The following OR51E1 variants were observed in gnomAD, a reference collection of about 807,000 sequenced individuals.
The protein encoded by OR51E1 is olfactory receptor 51E1.
Under a neutral mutation model 11.5 loss-of-function variants are expected in OR51E1, and 9 were observed. The ratio of observed to expected loss-of-function variants is 0.78; its 90% CI spans 0.47 to 1.37. The LOEUF (loss-of-function observed/expected upper bound fraction) is 1.37. OR51E1 is among the 40% of genes most tolerant of loss of function. The pLI, the probability that OR51E1 is intolerant of heterozygous loss-of-function variation, is 0.00. For synonymous variants in OR51E1, 168 were observed against 158.3 expected (o/e 1.06, Z -0.46); for missense variants, 397 against 410.2 (o/e 0.97, Z 0.28).
At chr11:4,647,239 A>G (rs944466421) in intron 1 of OR51E1, among the ~76,000 whole-genome samples, 5 of 152,196 alleles carry the variant, frequency 3.3e-5, no homozygotes, top group Non-Finnish European at 7.3e-5. Flanking sequence ...AAAAACAACA[A>G]AATCAGGGTT....
chr11:4,651,811 TAG>T (rs1589862243), intron 1 of OR51E1, among the ~76,000 whole-genome samples: 1 of 152,222 alleles, frequency 6.6e-6, no homozygotes, highest in East Asian at 1.9e-4. Flanking sequence ...AATGTAGAGT[TAG>T]AGTTCAGGAT....
In OR51E1 at chr11:4,653,759, T is replaced by A; in HGVS notation, c.*276T>A. ...CAGTCCAAATCTAAACTGCTTCTACTGATGGTTTACAGCATTCTGAGATAA... is the reference window on the plus strand; with the variant it reads ...CAGTCCAAATCTAAACTGCTTCTACAGATGGTTTACAGCATTCTGAGATAA... On this transcript the variant is annotated 3_prime_UTR_variant, in exon 2 of 2. Transcript: ENST00000396952. 1 of 325,990 alleles carries A rather than the reference T, an allele frequency of 3.1e-6. No homozygotes were observed. Among genetic ancestry groups the A allele is most frequent in the South Asian group, 6.7e-5 (1 of 14,940 alleles). The allele number at this position is 325,990 out of a possible 1,614,324, so 20.2% of individuals were successfully genotyped here. A position where few individuals can be genotyped will look rare whatever the true frequency, so the allele number is the denominator to read the frequency against.
Position 4,652,770 on chromosome 11 carries a change from C to T in OR51E1, c.244C>T (p.Pro82Ser). Residue 82 changes from proline (P) to serine (S), a missense_variant, in exon 2 of 2, where the codon CCC becomes TCC. Coordinates refer to ENST00000396952, the MANE Select transcript of OR51E1 (RefSeq NM_152430.4). The part of the protein sequence containing the change: ...IDILISTSSM[P>S]KMLAIFWFNS... ...CATCCTCATCTCCACCTCATCCATG[C>T]CCAAAATGCTGGCCATCTTCTGGTT... 1 of 1,614,146 alleles carries T rather than the reference C, an allele frequency of 6.2e-7. No individual in the cohort carries two copies. The highest frequency in any genetic ancestry group is 8.5e-7 in the Non-Finnish European group (1 of 1,179,992).
At chr11:4,650,564 C>A (rs1847082403) in intron 1 of OR51E1, among the ~76,000 whole-genome samples, 1 of 152,174 alleles carries the variant, frequency 6.6e-6, no homozygotes, top group Non-Finnish European at 1.5e-5. Context: ...TAATTTCTAT[C>A]TGGTCTGAGG....
chr11:4,651,086 T>G (rs1007266194), intron 1 of OR51E1, among the ~76,000 whole-genome samples: 4 of 152,146 alleles, frequency 2.6e-5, no homozygotes, highest in African/African-American at 9.7e-5. Context: ...AACAGACACA[T>G]ACAATCTGAG....
At chr11:4,648,284 A>T (rs1473063119) in intron 1 of OR51E1, among the ~76,000 whole-genome samples, 1 of 152,206 alleles carries the variant, frequency 6.6e-6, no homozygotes, top group Non-Finnish European at 1.5e-5. Flanking sequence ...ACTGCTAGTA[A>T]ATATGTGTGT....
In OR51E1 at chr11:4,653,395, A is replaced by T. The variant is rs761784557; in HGVS notation, c.869A>T (p.Asn290Ile). The T allele has an allele frequency of 3.1e-6, 5 of 1,613,906 alleles. No individual in the cohort carries two copies. In the African/African-American group the frequency reaches 4.0e-5, roughly 13 times the overall value. The change falls in exon 2 of 2, where the codon AAC becomes ATC. Residue 290 changes from asparagine (N) to isoleucine (I), a missense_variant. Physicochemically the swap from Asn to Ile is moderately radical, Grantham distance 149. Transcript: ENST00000396952. ...TATCTGCTGGTTCCTCCTGTGCTCA[A>T]CCCAATTGTCTATGGAGTGAAGACA... is the stretch of plus-strand genomic sequence containing the variant. Reference protein sequence around the residue: ...NIYLLVPPVLNPIVYGVKTKE... With the variant: ...NIYLLVPPVLIPIVYGVKTKE...
intron 1 of OR51E1, among the ~76,000 whole-genome samples, chr11:4,646,198 CA>C (rs1180268503): frequency 6.6e-6 from 1 of 152,162 alleles, no homozygotes; most frequent in African/African-American, 2.4e-5. Context: ...ACAGCAGCGC[CA>C]GAGGCCCTCA....
At chr11:4,646,301 A>C (rs1175316668) in intron 1 of OR51E1, among the ~76,000 whole-genome samples, 1 of 152,108 alleles carries the variant, frequency 6.6e-6, no homozygotes, top group Admixed American at 6.5e-5. Context: ...TCCACACTGA[A>C]CCTAAGTGGG....
chr11:4,653,764 G>GT lies in OR51E1; in HGVS notation c.*284dup, dbSNP rs1847135675. 1 of 305,088 alleles carries GT rather than the reference G, an allele frequency of 3.3e-6. No individual in the cohort carries two copies. The allele number at this position is 305,088 out of a possible 1,614,324, so 18.9% of individuals were successfully genotyped here. On this transcript the variant is annotated 3_prime_UTR_variant, in exon 2 of 2. Coordinates refer to ENST00000396952, the MANE Select transcript of OR51E1 (RefSeq NM_152430.4). ...CAAATCTAAACTGCTTCTACTGATG[G>GT]TTTACAGCATTCTGAGATAAGAATG...
rs1474874584 is a variant in OR51E1, at chr11:4,653,763, G to C, written c.*280G>C. The C allele has an allele frequency of 3.3e-6, 1 of 306,058 alleles. No individual in the cohort carries two copies. The highest frequency in any genetic ancestry group is 6.4e-6 in the Non-Finnish European group (1 of 156,764). 19.0% of individuals were successfully genotyped at this position (306,058 alleles called of 1,614,324 possible). On this transcript the variant is annotated 3_prime_UTR_variant, in exon 2 of 2. Coordinates refer to ENST00000396952, the MANE Select transcript of OR51E1 (RefSeq NM_152430.4). ...CCAAATCTAAACTGCTTCTACTGAT[G>C]GTTTACAGCATTCTGAGATAAGAAT... is the stretch of plus-strand genomic sequence containing the variant.
intron 1 of OR51E1, among the ~76,000 whole-genome samples, chr11:4,649,483 T>C (rs7124317): frequency 0.48 from 72,720 of 151,976 alleles, 18,300 homozygotes; most frequent in East Asian, 0.94. Flanking sequence ...GGCTAGATCA[T>C]AGGGATCATG....
At chr11:4,647,292 T>C (rs2133224202) in intron 1 of OR51E1, among the ~76,000 whole-genome samples, 1 of 152,326 alleles carries the variant, frequency 6.6e-6, no homozygotes, top group South Asian at 2.1e-4. Context: ...GAGATAGGGC[T>C]AATAGGCTAA....
rs1305521484 is a variant in OR51E1, at chr11:4,654,415, CT to C, written c.*934del. On this transcript the variant is annotated 3_prime_UTR_variant, in exon 2 of 2. Transcript: ENST00000396952. ...ATGGCTTTAATCCCACTAGCTATTG[CT>C]TATTGTCCTGGTCCAATTGCCAATT... 2 of 167,060 alleles carry C rather than the reference CT, an allele frequency of 1.2e-5. No homozygotes were observed. Among genetic ancestry groups the C allele is most frequent in the African/African-American group, 4.8e-5 (2 of 41,452 alleles). 10.3% of individuals were successfully genotyped at this position (167,060 alleles called of 1,614,324 possible).
In OR51E1 at chr11:4,653,185, C is replaced by A; in HGVS notation, c.659C>A (p.Ser220Ter). 6.2e-7 allele frequency: 1 copy of A among 1,614,110 alleles called. No homozygotes were observed. The highest frequency in any genetic ancestry group is 1.3e-5 in the African/African-American group (1 of 75,038). ...IGLDSLLISF[S>*]YLLILKTVLG... ...CTGGACTCACTTCTCATCTCCTTCT[C>A]ATATCTGCTTATTCTTAAGACTGTG... The change falls in exon 2 of 2, where the codon TCA (serine) becomes TAA (stop). Residue 220 changes from serine (S) to a stop codon, truncating the protein, a stop_gained. Coordinates refer to ENST00000396952, the MANE Select transcript of OR51E1 (RefSeq NM_152430.4). LOFTEE classifies it high-confidence loss of function.
intron 1 of OR51E1, among the ~76,000 whole-genome samples, chr11:4,651,369 G>A (rs1320828528): frequency 6.6e-6 from 1 of 152,200 alleles, no homozygotes; most frequent in Non-Finnish European, 1.5e-5. Flanking sequence ...GGGAATCCTG[G>A]TAGGGCAGGG....
intron 1 of OR51E1, among the ~76,000 whole-genome samples, chr11:4,651,047 G>A (rs1463775908): frequency 6.6e-6 from 1 of 152,090 alleles, no homozygotes; most frequent in Admixed American, 6.5e-5. Context: ...GGAAAGAAAG[G>A]GAGGGAGGGA....
At chr11:4,652,340 T>C in intron 1 of OR51E1, 148 bp from the exon 2 acceptor site, 1 of 589,378 alleles carries the variant, frequency 1.7e-6, no homozygotes. Context: ...TTATGTTAGA[T>C]TATGTGAGAT....
Position 4,653,290 on chromosome 11 carries a change from TA to T in OR51E1, c.765del (p.Pro256LeufsTer41). On this transcript the variant is annotated frameshift_variant, in exon 2 of 2. Coordinates refer to ENST00000396952, the MANE Select transcript of OR51E1 (RefSeq NM_152430.4). LOFTEE classifies it high-confidence loss of function. Reference sequence around the variant, plus strand: ...GTGTGTGCTGTGTTCATATTCTATGTACCTTTCATTGGATTGTCCATGGTGC... The same window carrying T: ...GTGTGTGCTGTGTTCATATTCTATGTCCTTTCATTGGATTGTCCATGGTGC... ...SHVCAVFIFY[V>X]PFIGLSMVHR... 6.2e-7 allele frequency: 1 copy of T among 1,614,178 alleles called. No individual in the cohort carries two copies. Among genetic ancestry groups the T allele is most frequent in the Non-Finnish European group, 8.5e-7 (1 of 1,180,002 alleles).
Sources: allele counts gnomAD v4.1 joint callset (sites outside exome capture counted in the v4.1 genomes callset), GRCh38; gene constraint gnomAD v4.1.1; transcripts MANE v1.5; gene names NCBI Gene and HGNC (gene_info 2026-07-23, HGNC 2026-07-21).